Variants in PDE1A observed in about 807,000 individuals in gnomAD.
PDE1A encodes the protein dual specificity calcium/calmodulin-dependent 3',5'-cyclic nucleotide phosphodiesterase 1A.
A neutral mutation model predicts 61.7 loss-of-function variants in PDE1A; 35 were observed. The ratio of observed to expected loss-of-function variants is 0.57; its 90% CI spans 0.43 to 0.75. The LOEUF is 0.75. Ranked by LOEUF, PDE1A falls within the 30% of genes least tolerant of loss-of-function variation. PDE1A has a pLI of 0.00. For missense variants in PDE1A, 597 were observed against 630.6 expected, an observed-to-expected ratio of 0.95 and a Z score of 0.57; for synonymous variants, 232 against 213.2, an observed-to-expected ratio of 1.09 and a Z score of -0.77.
chr2:182,244,001 G>A (rs569802821), intron 2 of PDE1A, among the ~76,000 whole-genome samples: 2 of 152,230 alleles, frequency 1.3e-5, no homozygotes, highest in East Asian at 3.9e-4. Context: ...CTGAGTAGCT[G>A]GGATTACAGG....
At chr2:182,385,262 A>G (rs1003204072) in intron 1 of PDE1A, among the ~76,000 whole-genome samples, 1 of 152,220 alleles carries the variant, frequency 6.6e-6, no homozygotes, top group East Asian at 1.9e-4. Flanking sequence ...CAAATTCATC[A>G]TACTCTAATA....
At chr2:182,385,655 G>GA (rs1245632131) in intron 1 of PDE1A, among the ~76,000 whole-genome samples, 1 of 140,586 alleles carries the variant, frequency 7.1e-6, no homozygotes, top group African/African-American at 2.6e-5. Context: ...AAGAAAGAAA[G>GA]AAAGAAGAAA....
At chr2:182,417,057 T>C (rs990249589) in intron 1 of PDE1A, among the ~76,000 whole-genome samples, 2 of 152,198 alleles carry the variant, frequency 1.3e-5, no homozygotes, top group African/African-American at 4.8e-5. Context: ...ACACACACTG[T>C]ATGGCCCTGG....
chr2:182,703,073 C>T, the PDE1A span, among the ~76,000 whole-genome samples: 5 of 152,232 alleles, frequency 3.3e-5, no homozygotes, highest in South Asian at 2.1e-4. Context: ...TAAAATGGAA[C>T]GCAACCAACG....
At chr2:182,278,234 A>C (rs1693569156) in intron 1 of PDE1A, among the ~76,000 whole-genome samples, 2 of 152,012 alleles carry the variant, frequency 1.3e-5, no homozygotes, top group African/African-American at 2.4e-5. Flanking sequence ...ACATTTAAGG[A>C]TGTGATTTAA....
chr2:182,577,552 A>G, the PDE1A span, among the ~76,000 whole-genome samples: 2 of 152,250 alleles, frequency 1.3e-5, no homozygotes, highest in African/African-American at 4.8e-5. Flanking sequence ...GTTTAGAATA[A>G]CTAAAGCAAG....
chr2:182,151,693 T>C (rs1421957258), intron 13 of PDE1A, among the ~76,000 whole-genome samples: 1 of 152,254 alleles, frequency 6.6e-6, no homozygotes, highest in African/African-American at 2.4e-5. Context: ...TTCTCAATAG[T>C]AATTTTCCTA....
chr2:182,354,041 C>T (rs189446275), intron 1 of PDE1A, among the ~76,000 whole-genome samples: 6 of 152,174 alleles, frequency 3.9e-5, no homozygotes, highest in Middle Eastern at 3.4e-3. Flanking sequence ...CTTTCACGAA[C>T]GAGATCTCCT....
chr2:182,590,110 G>C, the PDE1A span, among the ~76,000 whole-genome samples: 1 of 151,634 alleles, frequency 6.6e-6, no homozygotes. Flanking sequence ...TCTTTAGTAA[G>C]TAGTGGAGAC....
At chr2:182,309,903 G>A (rs10931002) in intron 1 of PDE1A, among the ~76,000 whole-genome samples, 49,697 of 151,846 alleles carry the variant, frequency 0.33, 10,065 homozygotes, top group Non-Finnish European at 0.47. Flanking sequence ...GGAATCAAAG[G>A]CACCAAGAAG....
chr2:182,220,671 T>G (rs745985069), intron 7 of PDE1A, among the ~76,000 whole-genome samples: 33 of 152,108 alleles, frequency 2.2e-4, no homozygotes, highest in Non-Finnish European at 5.9e-5. Flanking sequence ...TTCAAGGATT[T>G]CATGCATTAT....
intron 7 of PDE1A, among the ~76,000 whole-genome samples, chr2:182,212,561 A>T (rs1382807219): frequency 6.6e-6 from 1 of 152,166 alleles, no homozygotes; most frequent in Non-Finnish European, 1.5e-5. Flanking sequence ...GGGTGCGCGC[A>T]CCGTGCGCAA....
At chr2:182,676,795 G>C in the PDE1A span, among the ~76,000 whole-genome samples, 1 of 152,090 alleles carries the variant, frequency 6.6e-6, no homozygotes, top group Non-Finnish European at 1.5e-5. Flanking sequence ...ATCACATAAA[G>C]AGACCTAAAG....
chr2:182,529,144 A>G, the PDE1A span, among the ~76,000 whole-genome samples: 10,438 of 152,272 alleles, frequency 0.069, 393 homozygotes, highest in Middle Eastern at 0.1. Context: ...GTGGATAGGT[A>G]CCACAGACTC....
At chr2:182,388,410 G>C (rs1324402519) in intron 1 of PDE1A, among the ~76,000 whole-genome samples, 3 of 152,100 alleles carry the variant, frequency 2.0e-5, no homozygotes, top group Non-Finnish European at 2.9e-5. Context: ...CTCCAGGACT[G>C]ATTATATGTC....
At chr2:182,491,626 C>G (rs1408093370) in intron 2 of PDE1A, among the ~76,000 whole-genome samples, 1 of 152,134 alleles carries the variant, frequency 6.6e-6, no homozygotes, top group Non-Finnish European at 1.5e-5. Context: ...AAGCTGTTTC[C>G]TAGTGTTTAT....
chr2:182,702,158 C>T, the PDE1A span, among the ~76,000 whole-genome samples: 18 of 152,302 alleles, frequency 1.2e-4, no homozygotes, highest in East Asian at 3.5e-3. Flanking sequence ...GGCTGAAGTG[C>T]AGCGGCAGGC....
intron 2 of PDE1A, among the ~76,000 whole-genome samples, chr2:182,514,810 A>G (rs971770509): frequency 1.2e-4 from 19 of 152,176 alleles, no homozygotes; most frequent in African/African-American, 4.3e-4. Context: ...AAACACAAAT[A>G]GACAAGTGGA....
intron 1 of PDE1A, among the ~76,000 whole-genome samples, chr2:182,337,487 G>C (rs972416365): frequency 1.3e-5 from 2 of 152,032 alleles, no homozygotes; most frequent in Non-Finnish European, 2.9e-5. Context: ...AAAACTTTTG[G>C]TAAATAACAT....
Sources: gnomAD v4.1 joint callset for allele counts (sites outside exome capture counted in the v4.1 genomes callset) on GRCh38, gnomAD v4.1.1 for gene constraint, MANE v1.5 for transcripts, NCBI Gene and HGNC (gene_info 2026-07-23, HGNC 2026-07-21) for gene names.